Variants in ZSCAN2 observed in about 807,000 individuals in gnomAD.
ZSCAN2 encodes the protein zinc finger and SCAN domain containing 2.
A neutral mutation model predicts 47.8 loss-of-function variants in ZSCAN2; 26 were observed. That is an observed-to-expected ratio of 0.54 (90% confidence interval 0.40 to 0.75). ZSCAN2 has a LOEUF of 0.75. Among genes scored for constraint, ZSCAN2 ranks in the 30% least tolerant of loss-of-function variants. ZSCAN2 has a pLI of 0.00. For missense variants in ZSCAN2, 732 were observed against 785.4 expected (o/e 0.93, Z 0.81); for synonymous variants, 305 against 288.7 (o/e 1.06, Z -0.57).
rs897011718 is a variant in ZSCAN2, at chr15:84,622,499, C to G, written c.*459C>G. On this transcript the variant is annotated 3_prime_UTR_variant, in exon 3 of 3. Coordinates refer to ENST00000546148, the MANE Select transcript of ZSCAN2 (RefSeq NM_181877.4). ...TGGGCTAAGGTGCCTTCACCCCAAG[C>G]TGTTAGTGTTCCAGGGCACCCCAAG... 1 of 654,318 alleles carries G rather than the reference C, an allele frequency of 1.5e-6. No homozygotes were observed. The highest frequency in any genetic ancestry group is 1.8e-5 in the African/African-American group (1 of 55,140). 40.5% of individuals were successfully genotyped at this position (654,318 alleles called of 1,614,324 possible). A position where few individuals can be genotyped will look rare whatever the true frequency, so the allele number is the denominator to read the frequency against.
chr15:84,606,567 A>C, intron 2 of ZSCAN2: 1 of 1,614,074 alleles, frequency 6.2e-7, no homozygotes, highest in Non-Finnish European at 8.5e-7. Context: ...GGAGGTGACC[A>C]GTTTGTAATG....
chr15:84,604,306 G>C lies in ZSCAN2; in HGVS notation c.379G>C (p.Asp127His), dbSNP rs1485884240. The change falls in exon 2 of 3, where the codon GAC (aspartate) becomes CAC (histidine). Residue 127 changes from aspartate (D) to histidine (H), a missense_variant. Physicochemically the swap from Asp to His is moderately conservative, Grantham distance 81. This residue lies in a region of ZSCAN2 where 320 missense variants were observed against 287.4 expected (regional missense o/e 1.11). Transcript: ENST00000546148. ...SSEEAAALVE[D>H]LTQTLQDSDF... ...TGAGGAGGCAGCGGCCCTGGTGGAA[G>C]ACTTGACCCAGACCCTTCAGGACAG... is the stretch of plus-strand genomic sequence containing the variant. 1 of 1,612,796 alleles carries C rather than the reference G, an allele frequency of 6.2e-7. No homozygotes were observed. Among genetic ancestry groups the C allele is most frequent in the Non-Finnish European group, 8.5e-7 (1 of 1,179,270 alleles).
chr15:84,604,788 G>GGT (rs1895329464), intron 2 of ZSCAN2, among the ~76,000 whole-genome samples: 1 of 149,566 alleles, frequency 6.7e-6, no homozygotes, highest in Admixed American at 6.6e-5. Context: ...CCCAGGCTGG[G>GGT]GTGCAGTGGC....
At chr15:84,617,088 C>T (rs1895710025) in intron 2 of ZSCAN2, among the ~76,000 whole-genome samples, 1 of 150,740 alleles carries the variant, frequency 6.6e-6, no homozygotes. Flanking sequence ...CGCCACTGCA[C>T]TCCAGCCTGG....
At chr15:84,608,315 AGGCCAGGAGTTCGAGACCAGCCT>A (rs1314754733) in intron 2 of ZSCAN2, among the ~76,000 whole-genome samples, 1 of 151,920 alleles carries the variant, frequency 6.6e-6, no homozygotes, top group Non-Finnish European at 1.5e-5. Flanking sequence ...GGATCACTCG[AGGCCAGGAGTTCGAGACCAGCCT>A]GGCCAACATA....
chr15:84,604,162 C>A lies in ZSCAN2; in HGVS notation c.235C>A (p.Arg79Ser). The part of the protein sequence containing the change: ...VTRGPQGALG[R>S]LRELCRRWLR... ...CAGGGGACCACAGGGTGCACTCGGCCGCCTCCGAGAGCTCTGCCGGCGCTG... is the reference window on the plus strand; with the variant it reads ...CAGGGGACCACAGGGTGCACTCGGCAGCCTCCGAGAGCTCTGCCGGCGCTG... Residue 79 changes from arginine to serine, a missense_variant, in exon 2 of 3, where the codon CGC (arginine) becomes AGC (serine). Around this residue, in one of 2 missense-constraint regions of ZSCAN2, gnomAD observed 320 missense variants for 287.4 expected, o/e 1.11. Transcript: ENST00000546148. The A allele has an allele frequency of 6.2e-7, 1 of 1,613,568 alleles. No individual in the cohort carries two copies.
intron 1 of ZSCAN2, among the ~76,000 whole-genome samples, chr15:84,601,582 G>A (rs138010535): frequency 6.6e-6 from 1 of 152,176 alleles, no homozygotes; most frequent in Non-Finnish European, 1.5e-5. Flanking sequence ...TACACGTTGA[G>A]AGCTTCGGTT....
rs759769543 is a variant in ZSCAN2 at position 84,604,330 on chromosome 15, A to G, written c.403A>G (p.Ser135Gly). The G allele has an allele frequency of 1.9e-6, 3 of 1,606,112 alleles. No homozygotes were observed. The East Asian group carries it at 6.7e-5, about 36-fold the overall frequency. ...VEDLTQTLQDSDFEIQSENGE... is the reference protein window; with the variant it reads ...VEDLTQTLQDGDFEIQSENGE... ...AGACTTGACCCAGACCCTTCAGGAC[A>G]GTGGTGAGACGCAGAACCTCATAGG... The change falls in exon 2 of 3, where the codon AGT (serine) becomes GGT (glycine). Residue 135 changes from serine to glycine, a missense_variant. Physicochemically the swap from Ser to Gly is moderately conservative, Grantham distance 56 (BLOSUM62 0). Coordinates refer to ENST00000546148, the MANE Select transcript of ZSCAN2 (RefSeq NM_181877.4).
At chr15:84,606,441 A>C (rs547781441) in intron 2 of ZSCAN2, 14 of 1,130,182 alleles carry the variant, frequency 1.2e-5, no homozygotes, top group Non-Finnish European at 1.9e-5. Flanking sequence ...TGCTTGAAGC[A>C]AAGTGCTTGA....
At chr15:84,619,213 C>A (rs7176460) in intron 2 of ZSCAN2, among the ~76,000 whole-genome samples, 128,543 of 151,826 alleles carry the variant, frequency 0.85, 54,812 homozygotes, top group African/African-American at 0.95. Flanking sequence ...GGGCGGATCA[C>A]AAGGTCAGGA....
intron 2 of ZSCAN2, among the ~76,000 whole-genome samples, chr15:84,607,464 A>G (rs534945907): frequency 4.8e-4 from 69 of 144,274 alleles, no homozygotes; most frequent in African/African-American, 1.7e-3. Flanking sequence ...TCCCCACTCC[A>G]TTCAGACCAG....
intron 2 of ZSCAN2, chr15:84,606,885 A>G: frequency 8.8e-7 from 1 of 1,133,100 alleles, no homozygotes; most frequent in Non-Finnish European, 1.1e-6. Flanking sequence ...CTTCCTCATG[A>G]TTGCTCACAG....
chr15:84,621,657 A>G lies in ZSCAN2; in HGVS notation c.1462A>G (p.Asn488Asp). 6.2e-7 allele frequency: 1 copy of G among 1,613,914 alleles called. No homozygotes were observed. Among genetic ancestry groups the G allele is most frequent in the Non-Finnish European group, 8.5e-7 (1 of 1,179,970 alleles). ...TGGGGAGAGCTTCAGCTGGAGCTCCAACCTCCTCAAGCACCAGAGGATCCA... is the reference window on the plus strand; with the variant it reads ...TGGGGAGAGCTTCAGCTGGAGCTCCGACCTCCTCAAGCACCAGAGGATCCA... The part of the protein sequence containing the change: ...TCGESFSWSS[N>D]LLKHQRIHTG... Residue 488 changes from asparagine (N) to aspartate (D), a missense_variant, in exon 3 of 3, where the codon AAC becomes GAC. Asn to Asp is a conservative substitution (Grantham distance 23). Around this residue, in one of 2 missense-constraint regions of ZSCAN2, gnomAD observed 412 missense variants for 498.0 expected, o/e 0.83. Coordinates refer to ENST00000546148, the MANE Select transcript of ZSCAN2 (RefSeq NM_181877.4). The surrounding 1 kb of genome is among the most constrained non-coding windows in gnomAD (Gnocchi z 5.7).
At chr15:84,616,435 C>T in intron 2 of ZSCAN2, 1 of 1,570,256 alleles carries the variant, frequency 6.4e-7, no homozygotes, top group Non-Finnish European at 8.6e-7. Flanking sequence ...TGATTTTCTG[C>T]CTGAGCTTTC....
chr15:84,608,131 C>CT (rs1250589600), intron 2 of ZSCAN2, among the ~76,000 whole-genome samples: 1 of 152,042 alleles, frequency 6.6e-6, no homozygotes, highest in Non-Finnish European at 1.5e-5. Context: ...TTTCCTTTCT[C>CT]TTTCATTCCC....
Position 84,604,200 on chromosome 15 carries a change from G to T in ZSCAN2, c.273G>T (p.Glu91Asp). 1 of 1,613,910 alleles carries T rather than the reference G, an allele frequency of 6.2e-7. No individual in the cohort carries two copies. The highest frequency in any genetic ancestry group is 8.5e-7 in the Non-Finnish European group (1 of 1,179,934). ...RELCRRWLRP[E>D]VHTKEQMLTM... Reference sequence around the variant, plus strand: ...TCTGCCGGCGCTGGCTGAGACCAGAGGTACACACCAAGGAGCAGATGTTAA... The same window carrying T: ...TCTGCCGGCGCTGGCTGAGACCAGATGTACACACCAAGGAGCAGATGTTAA... The change falls in exon 2 of 3, where the codon GAG becomes GAT. Residue 91 changes from glutamate (E) to aspartate (D), a missense_variant. Physicochemically the swap from Glu to Asp is conservative, Grantham distance 45. Coordinates refer to ENST00000546148, the MANE Select transcript of ZSCAN2 (RefSeq NM_181877.4).
At position 84,623,456 on chromosome 15, in the gene ZSCAN2, C is replaced by G. The variant is rs2141805296; in HGVS notation, c.*1416C>G. 1 of 170,492 alleles carries G rather than the reference C, an allele frequency of 5.9e-6. No homozygotes were observed. The highest frequency in any genetic ancestry group is 1.7e-4 in the South Asian group (1 of 5,806). The allele number at this position is 170,492 out of a possible 1,614,324, so 10.6% of individuals were successfully genotyped here. A position where few individuals can be genotyped will look rare whatever the true frequency, so the allele number is the denominator to read the frequency against. ...TATCTGTTCCCTGGAGATATTTGGG[C>G]TTGAATCAGGAGTTTGTCCTACAGG... On this transcript the variant is annotated 3_prime_UTR_variant, in exon 3 of 3. Coordinates refer to ENST00000546148, the MANE Select transcript of ZSCAN2 (RefSeq NM_181877.4).
At position 84,622,483 on chromosome 15, in the gene ZSCAN2, G is replaced by T; in HGVS notation, c.*443G>T. On this transcript the variant is annotated 3_prime_UTR_variant, in exon 3 of 3. Coordinates refer to ENST00000546148, the MANE Select transcript of ZSCAN2 (RefSeq NM_181877.4). ...TTTGCTGCCACGTTGTTGGGCTAAG[G>T]TGCCTTCACCCCAAGCTGTTAGTGT... 1.6e-6 allele frequency: 1 copy of T among 632,454 alleles called. No individual in the cohort carries two copies. Among genetic ancestry groups the T allele is most frequent in the East Asian group, 2.8e-5 (1 of 36,286 alleles). 39.2% of individuals were successfully genotyped at this position (632,454 alleles called of 1,614,324 possible).
intron 2 of ZSCAN2, among the ~76,000 whole-genome samples, chr15:84,607,666 GC>G (rs1241762680): frequency 6.6e-6 from 1 of 152,048 alleles, no homozygotes; most frequent in Non-Finnish European, 1.5e-5. Context: ...GTGCTACCGT[GC>G]CCAGCTAATT....
Sources: gnomAD v4.1 joint callset for allele counts (sites outside exome capture counted in the v4.1 genomes callset) on GRCh38, gnomAD v4.1.1 for gene constraint, gnomAD v4.1.1 regional missense constraint, Gnocchi (gnomAD v3.1) non-coding constraint, MANE v1.5 for transcripts, NCBI Gene and HGNC (gene_info 2026-07-23, HGNC 2026-07-21) for gene names.